ALDH18A1: variants seen among roughly 807,000 people sequenced by gnomAD.
ALDH18A1 encodes aldehyde dehydrogenase 18 family member A1, also known as delta-1-pyrroline-5-carboxylate synthase.
ALDH18A1 carries 44 observed loss-of-function variants against 88.8 expected under a neutral mutation model. The observed-to-expected ratio is 0.50, with a 90% CI of 0.39 to 0.64. The LOEUF is 0.64. Among genes scored for constraint, ALDH18A1 ranks in the 30% least tolerant of loss-of-function variants. The pLI is 0.00. For synonymous variants in ALDH18A1, 331 were observed against 372.1 expected (o/e 0.89, Z 1.27); for missense variants, 782 against 1,009.5 (o/e 0.77, Z 3.05).
At chr10:95,610,572 C>T (rs981266172) in intron 16 of ALDH18A1, among the ~76,000 whole-genome samples, 5 of 152,220 alleles carry the variant, frequency 3.3e-5, no homozygotes, top group African/African-American at 9.6e-5. Flanking sequence ...CAGAGCCAGA[C>T]TTCCTAGGCC....
intron 1 of ALDH18A1, 29 bp from the exon 2 acceptor site, chr10:95,653,434 T>A: frequency 1.9e-6 from 3 of 1,548,900 alleles, no homozygotes; most frequent in Non-Finnish European, 2.7e-6. Flanking sequence ...AAAAAGTGAG[T>A]AATGAAAAAT....
chr10:95,619,742 G>A lies in ALDH18A1; in HGVS notation c.1467+1289C>T, dbSNP rs903921907. On this transcript the variant is annotated intron_variant, in intron 12 of 17. Transcript: ENST00000371224. ...GGAAAACTGGCTAGCCATATGTAGAGAGCTGAAACTGGATCCCTTCCTTAC... is the reference window on the plus strand; with the variant it reads ...GGAAAACTGGCTAGCCATATGTAGAAAGCTGAAACTGGATCCCTTCCTTAC... Among the ~76,000 whole-genome samples, 13 of 152,222 alleles carry A rather than the reference G, an allele frequency of 8.5e-5. No individual in the cohort carries two copies. In the East Asian group the frequency reaches 1.7e-3, roughly 20 times the overall value.
chr10:95,631,888 A>C (rs2097870622), intron 7 of ALDH18A1, among the ~76,000 whole-genome samples: 1 of 152,204 alleles, frequency 6.6e-6, no homozygotes, highest in Non-Finnish European at 1.5e-5. Flanking sequence ...AAGTCTTTTA[A>C]ACAGAGTTAC....
intron 5 of ALDH18A1, among the ~76,000 whole-genome samples, chr10:95,636,403 G>C (rs1307029469): frequency 9.9e-5 from 15 of 152,078 alleles, no homozygotes; most frequent in Admixed American, 9.8e-4. Flanking sequence ...TAGTTGTACA[G>C]TTGATTAAGA....
chr10:95,655,533 G>C (rs1216398803), intron 1 of ALDH18A1, among the ~76,000 whole-genome samples: 1 of 117,822 alleles, frequency 8.5e-6, no homozygotes, highest in Non-Finnish European at 1.9e-5. Flanking sequence ...TGAAAGCTCT[G>C]AACACCTACG....
At chr10:95,629,344 T>G (rs7895976) in intron 7 of ALDH18A1, among the ~76,000 whole-genome samples, 32,089 of 152,046 alleles carry the variant, frequency 0.21, 4,199 homozygotes, top group African/African-American at 0.36. Flanking sequence ...TTTCCTGTGC[T>G]ATAATATACC....
chr10:95,621,193 G>A lies in ALDH18A1; in HGVS notation c.1305C>T (p.Ser435=), dbSNP rs1566009827. Residue 435 remains serine, a synonymous_variant, in exon 12 of 18, where the codon AGC becomes AGT. Transcript: ENST00000371224. ...RLSLSTSKLN[S]LAIGLRQIAA... ...CGATCTGTCGCAGACCGATGGCCAG[G>A]CTGTTCAATTTGGATGTGGAGAGGC... is the stretch of plus-strand genomic sequence containing the variant. 2 of 1,614,136 alleles carry A rather than the reference G, an allele frequency of 1.2e-6. No homozygotes were observed. The highest frequency in any genetic ancestry group is 2.2e-5 in the East Asian group (1 of 44,874).
chr10:95,618,800 A>G (rs3829157), intron 12 of ALDH18A1, among the ~76,000 whole-genome samples: 27,822 of 152,144 alleles, frequency 0.18, 2,841 homozygotes, highest in Middle Eastern at 0.28. Flanking sequence ...ACCACAGGCT[A>G]AGATATTTGG....
intron 7 of ALDH18A1, among the ~76,000 whole-genome samples, chr10:95,629,190 G>C (rs2097864572): frequency 6.6e-6 from 1 of 152,192 alleles, no homozygotes; most frequent in Non-Finnish European, 1.5e-5. Flanking sequence ...AGAGTAAGTA[G>C]GAGCTTGGAC....
chr10:95,618,016 C>G (rs965992848), intron 12 of ALDH18A1, among the ~76,000 whole-genome samples: 10 of 152,100 alleles, frequency 6.6e-5, no homozygotes, highest in African/African-American at 2.2e-4. Context: ...TCAGAGAGTA[C>G]CCTTCACAGA....
In ALDH18A1 at chr10:95,625,459, GAAGA is replaced by G. The variant is rs1425822180; in HGVS notation, c.1153-8_1153-5del. ...GATGATGGATAATTTCTGCTCTCTA[GAAGA>G]AAGGTACACCATTAAAAAAACAGAG... is the stretch of plus-strand genomic sequence containing the variant. On this transcript the variant is annotated splice_region_variant and splice_polypyrimidine_tract_variant and intron_variant, in intron 10 of 17. Coordinates refer to ENST00000371224, the MANE Select transcript of ALDH18A1 (RefSeq NM_002860.4). 2 of 1,611,940 alleles carry G rather than the reference GAAGA, an allele frequency of 1.2e-6. No individual in the cohort carries two copies. Among genetic ancestry groups the G allele is most frequent in the African/African-American group, 2.7e-5 (2 of 74,916 alleles).
intron 3 of ALDH18A1, among the ~76,000 whole-genome samples, chr10:95,642,669 G>A (rs984007977): frequency 5.9e-5 from 9 of 152,158 alleles, no homozygotes; most frequent in Admixed American, 1.3e-4. Flanking sequence ...GGCTAGGTGT[G>A]AAGCCCAAGC....
At position 95,637,470 on chromosome 10, in the gene ALDH18A1, T is replaced by C. The variant is rs2275273; in HGVS notation, c.304-34A>G. ...TGAGAAAGGAAAGGGGACTGTAAGTTACCGTACTGTCTCTTTCATCTCTTC... is the reference window on the plus strand; with the variant it reads ...TGAGAAAGGAAAGGGGACTGTAAGTCACCGTACTGTCTCTTTCATCTCTTC... On this transcript the variant is annotated intron_variant, in intron 3 of 17. Transcript: ENST00000371224. The C allele has an allele frequency of 0.7, 1,128,965 of 1,611,086 alleles. 397,402 individuals carry two copies. Among genetic ancestry groups the C allele is most frequent in the Non-Finnish European group, 0.72 (847,173 of 1,178,842 alleles).
intron 17 of ALDH18A1, among the ~76,000 whole-genome samples, chr10:95,609,827 G>A (rs2139524257): frequency 7.0e-6 from 1 of 141,904 alleles, no homozygotes; most frequent in South Asian, 2.2e-4. Flanking sequence ...GAGTGCTGTA[G>A]CGTAATCTCG....
chr10:95,636,515 A>C (rs2097880974), intron 5 of ALDH18A1, among the ~76,000 whole-genome samples: 1 of 152,244 alleles, frequency 6.6e-6, no homozygotes, highest in African/African-American at 2.4e-5. Context: ...CGTAAGTCCC[A>C]TGAGGACTGG....
chr10:95,611,555 G>T, intron 15 of ALDH18A1, 113 bp from the exon 16 acceptor site: 1 of 1,241,860 alleles, frequency 8.1e-7, no homozygotes, highest in Non-Finnish European at 1.2e-6. Flanking sequence ...GGCTCCTGTA[G>T]CCTCAACAAC....
chr10:95,654,258 G>A (rs558227735), intron 1 of ALDH18A1, among the ~76,000 whole-genome samples: 6 of 150,080 alleles, frequency 4.0e-5, no homozygotes, highest in East Asian at 2.0e-4. Flanking sequence ...TCTGTCTCCC[G>A]GGTTCAAGTG....
Position 95,633,586 on chromosome 10 carries a change from G to A in ALDH18A1, c.622C>T (p.His208Tyr). 1 of 1,614,154 alleles carries A rather than the reference G, an allele frequency of 6.2e-7. No individual in the cohort carries two copies. Among genetic ancestry groups the A allele is most frequent in the Non-Finnish European group, 8.5e-7 (1 of 1,180,022 alleles). ...ACAATGTTCATTCTAAGGAGTTCAT[G>A]AAGTGTTCCATTGAGGTTCCGGCGC... The part of the protein sequence containing the change: ...QKRRNLNGTL[H>Y]ELLRMNIVPI... Residue 208 changes from histidine (H) to tyrosine (Y), a missense_variant, in exon 6 of 18, where the codon CAT (histidine) becomes TAT (tyrosine). Around this residue, in one of 3 missense-constraint regions of ALDH18A1, gnomAD observed 132 missense variants for 255.5 expected, o/e 0.52. Transcript: ENST00000371224.
intron 17 of ALDH18A1, among the ~76,000 whole-genome samples, chr10:95,609,308 G>C (rs540338260): frequency 6.6e-6 from 1 of 152,362 alleles, no homozygotes; most frequent in South Asian, 2.1e-4. Flanking sequence ...TTCAAGGTCT[G>C]CTGTAGAAGG....
Sources: allele counts gnomAD v4.1 joint callset (sites outside exome capture counted in the v4.1 genomes callset), GRCh38; gene constraint gnomAD v4.1.1; regional missense constraint gnomAD v4.1.1; transcripts MANE v1.5; gene names NCBI Gene and HGNC (gene_info 2026-07-23, HGNC 2026-07-21).